FAM222A: variants seen among roughly 807,000 people sequenced by gnomAD.
FAM222A encodes family with sequence similarity 222 member A, also known as protein FAM222A.
A neutral mutation model predicts 25.8 loss-of-function variants in FAM222A; 7 were observed. The observed-to-expected ratio is 0.27, with a 90% confidence interval of 0.15 to 0.51. The LOEUF (loss-of-function observed/expected upper bound fraction) is 0.51. Among genes scored for constraint, FAM222A ranks in the 20% least tolerant of loss-of-function variants. FAM222A has a pLI of 0.97. For synonymous variants in FAM222A, 294 were observed against 298.8 expected (o/e 0.98, Z 0.17); for missense variants, 573 against 640.5 (o/e 0.89, Z 1.14).
chr12:109,725,505 G>T lies in FAM222A; in HGVS notation c.-47+10608G>T, dbSNP rs1043052583. On this transcript the variant is annotated intron_variant, in intron 1 of 2. Coordinates refer to ENST00000538780, the MANE Select transcript of FAM222A (RefSeq NM_032829.3). ...TTACCAACTGTGTGTGCCAGCAGCC[G>T]GGCCCCGAGCGGGGGTTCCAGTGTC... 2.0e-5 allele frequency among the ~76,000 whole-genome samples: 3 copies of T among 148,026 alleles called. No individual in the cohort carries two copies. In the East Asian group the frequency reaches 6.1e-4, roughly 30 times the overall value.
chr12:109,756,539 T>A (rs966266264), intron 2 of FAM222A, among the ~76,000 whole-genome samples: 9 of 152,146 alleles, frequency 5.9e-5, no homozygotes, highest in African/African-American at 2.2e-4. Flanking sequence ...ACTATGTAGT[T>A]TTCATAGTTT....
intron 2 of FAM222A, among the ~76,000 whole-genome samples, chr12:109,759,561 C>T (rs547014442): frequency 6.6e-6 from 1 of 152,340 alleles, no homozygotes; most frequent in South Asian, 2.1e-4. Flanking sequence ...TTTAACACAC[C>T]TGTAAAAGGC....
intron 1 of FAM222A, among the ~76,000 whole-genome samples, chr12:109,733,237 C>CTT (rs1566187062): frequency 2.0e-5 from 3 of 152,056 alleles, no homozygotes; most frequent in Admixed American, 6.5e-5. Flanking sequence ...GTTTCAAAGA[C>CTT]TTAGAATAAA....
intron 2 of FAM222A, among the ~76,000 whole-genome samples, chr12:109,753,664 C>G (rs1182958420): frequency 6.6e-6 from 1 of 152,030 alleles, no homozygotes; most frequent in African/African-American, 2.4e-5. Context: ...GCTTGTCGTC[C>G]AAGAGGATCA....
intron 2 of FAM222A, among the ~76,000 whole-genome samples, chr12:109,762,900 C>T (rs895558767): frequency 1.3e-5 from 2 of 152,230 alleles, no homozygotes; most frequent in Non-Finnish European, 2.9e-5. Context: ...GAGGCTCATG[C>T]CCCACCTGAA....
At position 109,726,225 on chromosome 12, in the gene FAM222A, C is replaced by T. The variant is rs567054011; in HGVS notation, c.-47+11328C>T. On this transcript the variant is annotated intron_variant, in intron 1 of 2. Transcript: ENST00000538780. ...CCCTGTTCCCTCTCCTAGAATAGCT[C>T]ATCAGGTTTATGGTCCACCTCCTGC... is the stretch of plus-strand genomic sequence containing the variant. 7.2e-4 allele frequency among the ~76,000 whole-genome samples: 110 copies of T among 151,990 alleles called. 2 individuals are homozygous for T. Among genetic ancestry groups the T allele is most frequent in the African/African-American group, 2.4e-3 (100 of 41,472 alleles).
chr12:109,718,034 C>T (rs1048925336), intron 1 of FAM222A, among the ~76,000 whole-genome samples: 1 of 152,216 alleles, frequency 6.6e-6, no homozygotes, highest in Non-Finnish European at 1.5e-5. Context: ...ACCTTTGCCT[C>T]TCTGAGCCCC....
chr12:109,756,483 T>G (rs1199062407), intron 2 of FAM222A, among the ~76,000 whole-genome samples: 2 of 151,870 alleles, frequency 1.3e-5, no homozygotes, highest in African/African-American at 4.8e-5. Flanking sequence ...TTATTCCTGA[T>G]TGTAGAGGGA....
chr12:109,753,875 G>A (rs1888635984), intron 2 of FAM222A, among the ~76,000 whole-genome samples: 1 of 152,138 alleles, frequency 6.6e-6, no homozygotes, highest in Admixed American at 6.6e-5. Flanking sequence ...ATAAATCTAG[G>A]GCCGCACAGC....
At chr12:109,733,401 T>C (rs938016990) in intron 1 of FAM222A, among the ~76,000 whole-genome samples, 1 of 151,804 alleles carries the variant, frequency 6.6e-6, no homozygotes, top group Non-Finnish European at 1.5e-5. Flanking sequence ...GCTCCCATTA[T>C]TACATTTTTT....
At chr12:109,733,515 T>C (rs577527645) in intron 1 of FAM222A, among the ~76,000 whole-genome samples, 2 of 152,082 alleles carry the variant, frequency 1.3e-5, no homozygotes, top group Admixed American at 1.3e-4. Context: ...GCCATTCTCC[T>C]GCCTCAGCCT....
Position 109,769,320 on chromosome 12 carries a change from CAG to C in FAM222A, c.*33_*34del. 1.3e-6 allele frequency: 2 copies of C among 1,563,178 alleles called. No individual in the cohort carries two copies. Among genetic ancestry groups the C allele is most frequent in the Non-Finnish European group, 1.7e-6 (2 of 1,154,244 alleles). On this transcript the variant is annotated 3_prime_UTR_variant, in exon 3 of 3. Coordinates refer to ENST00000538780, the MANE Select transcript of FAM222A (RefSeq NM_032829.3). ...CCCTGCGGACATACGGACATGCGGACAGGGCGCAGAGCCGGGAGGCAGGCCGC... is the reference window on the plus strand; with the variant it reads ...CCCTGCGGACATACGGACATGCGGACGGCGCAGAGCCGGGAGGCAGGCCGC...
At chr12:109,763,546 AGGCTGCAGTTCATG>A (rs1458522389) in intron 2 of FAM222A, among the ~76,000 whole-genome samples, 1 of 152,190 alleles carries the variant, frequency 6.6e-6, no homozygotes, top group Non-Finnish European at 1.5e-5. Flanking sequence ...TCTTGGCTGA[AGGCTGCAGTTCATG>A]GCTACATGGG....
intron 1 of FAM222A, among the ~76,000 whole-genome samples, chr12:109,741,810 G>T (rs1481371993): frequency 6.6e-6 from 1 of 152,178 alleles, no homozygotes; most frequent in Non-Finnish European, 1.5e-5. Flanking sequence ...CAGCCTTCCA[G>T]CCCAGGTTTC....
chr12:109,760,182 C>T (rs1160930997), intron 2 of FAM222A, among the ~76,000 whole-genome samples: 1 of 152,164 alleles, frequency 6.6e-6, no homozygotes, highest in Non-Finnish European at 1.5e-5. Flanking sequence ...AGCACCCCCA[C>T]ACACACATTT....
intron 2 of FAM222A, 102 bp downstream of exon 2, chr12:109,744,330 C>T: frequency 6.8e-7 from 1 of 1,471,256 alleles, no homozygotes; most frequent in Non-Finnish European, 9.0e-7. Flanking sequence ...CGGAAAGTCT[C>T]TATGCTCTCT....
chr12:109,758,590 C>T (rs1354077466), intron 2 of FAM222A, among the ~76,000 whole-genome samples: 1 of 152,186 alleles, frequency 6.6e-6, no homozygotes, highest in Non-Finnish European at 1.5e-5. Context: ...CTCCCCACAC[C>T]CCTCCCATAA....
intron 1 of FAM222A, among the ~76,000 whole-genome samples, chr12:109,721,984 G>C (rs1002344038): frequency 1.3e-5 from 2 of 152,136 alleles, no homozygotes; most frequent in Non-Finnish European, 2.9e-5. Flanking sequence ...TTGGGTGGCC[G>C]AGCTGGCATT....
In FAM222A at chr12:109,769,248, A is replaced by T. The variant is rs1889170719; in HGVS notation, c.1319A>T (p.Asp440Val). ...ACGGTGGCCGTGCCCCGGCTACTCG[A>T]CCACCAGCATGCCCACATCCGCCTA... The part of the protein sequence containing the change: ...YETVAVPRLL[D>V]HQHAHIRLPV... Residue 440 changes from aspartate to valine, a missense_variant, in exon 3 of 3, where the codon GAC (aspartate) becomes GTC (valine). Physicochemically the swap from Asp to Val is radical, Grantham distance 152. Transcript: ENST00000538780. 1 of 1,611,472 alleles carries T rather than the reference A, an allele frequency of 6.2e-7. No homozygotes were observed. Among genetic ancestry groups the T allele is most frequent in the African/African-American group, 1.3e-5 (1 of 74,876 alleles).
Sources: allele counts gnomAD v4.1 joint callset (sites outside exome capture counted in the v4.1 genomes callset), GRCh38; gene constraint gnomAD v4.1.1; transcripts MANE v1.5; gene names NCBI Gene and HGNC (gene_info 2026-07-23, HGNC 2026-07-21).